Variants in GLRA1 observed in about 807,000 individuals in gnomAD.
GLRA1 encodes the protein glycine receptor subunit alpha-1.
A neutral mutation model predicts 48.3 loss-of-function variants in GLRA1; 37 were observed. The ratio of observed to expected loss-of-function variants is 0.77; its 90% CI spans 0.59 to 1.01. The LOEUF (loss-of-function observed/expected upper bound fraction) is 1.01. GLRA1 is among the 50% of genes least tolerant of loss of function. The pLI is 0.00. For synonymous variants in GLRA1, 196 were observed against 210.7 expected, an observed-to-expected ratio of 0.93 and a Z score of 0.60; for missense variants, 427 against 571.0, an observed-to-expected ratio of 0.75 and a Z score of 2.57.
intron 4 of GLRA1, among the ~76,000 whole-genome samples, chr5:151,857,865 A>G (rs1420637370): frequency 6.6e-6 from 1 of 152,228 alleles, no homozygotes; most frequent in Non-Finnish European, 1.5e-5. Context: ...AGAGCCTTAG[A>G]TCATCAAGGC....
At chr5:151,849,406 C>A (rs186337489) in intron 7 of GLRA1, among the ~76,000 whole-genome samples, 1,017 of 10,508 alleles carry the variant, frequency 0.097, 20 homozygotes, top group African/African-American at 0.24. Flanking sequence ...CTTTCCTTTC[C>A]TTTCCTTTCC....
intron 7 of GLRA1, among the ~76,000 whole-genome samples, chr5:151,838,373 A>G (rs1347047987): frequency 2.0e-5 from 3 of 152,088 alleles, no homozygotes; most frequent in African/African-American, 4.8e-5. Context: ...GGAGGCTAAG[A>G]TTGGAGAATT....
At chr5:151,879,911 A>T (rs1258238097) in intron 3 of GLRA1, among the ~76,000 whole-genome samples, 2 of 152,062 alleles carry the variant, frequency 1.3e-5, no homozygotes, top group Non-Finnish European at 2.9e-5. Flanking sequence ...CTGGTGGGAG[A>T]TAATTGAATC....
chr5:151,834,992 C>T (rs1266269526), intron 7 of GLRA1, among the ~76,000 whole-genome samples: 2 of 133,056 alleles, frequency 1.5e-5, no homozygotes, highest in African/African-American at 5.8e-5. Flanking sequence ...TGCGCCACTG[C>T]ACTCCAGCCT....
intron 7 of GLRA1, among the ~76,000 whole-genome samples, chr5:151,839,235 A>G (rs1464999041): frequency 1.3e-5 from 2 of 152,250 alleles, no homozygotes; most frequent in Non-Finnish European, 2.9e-5. Context: ...CCTACAAGAA[A>G]TACTAAAGGA....
At position 151,868,452 on chromosome 5, in the gene GLRA1, G is replaced by T. The variant is rs148116923; in HGVS notation, c.253-8444C>A. On this transcript the variant is annotated intron_variant, in intron 3 of 8. Coordinates refer to ENST00000274576, the MANE Select transcript of GLRA1 (RefSeq NM_000171.4). ...TAGGTTTTATTGTTATTCTCATTTT[G>T]CAGGGAAATCAAGGTACAGAGAGGT... is the stretch of plus-strand genomic sequence containing the variant. Among the ~76,000 whole-genome samples the T allele has an allele frequency of 4.4e-3, 675 of 152,258 alleles. 6 individuals carry two copies. Among genetic ancestry groups the T allele is most frequent in the African/African-American group, 0.015 (623 of 41,538 alleles).
At chr5:151,854,232 G>A (rs1015085294) in intron 6 of GLRA1, among the ~76,000 whole-genome samples, 4 of 152,318 alleles carry the variant, frequency 2.6e-5, no homozygotes, top group East Asian at 1.9e-4. Flanking sequence ...GACTCAGAAA[G>A]AGGCAGCTAC....
chr5:151,829,213 T>G (rs1317165106), intron 7 of GLRA1, 146 bp from the exon 8 acceptor site: 6 of 727,892 alleles, frequency 8.2e-6, no homozygotes, highest in Non-Finnish European at 1.4e-5. Flanking sequence ...GGTGGAGGTA[T>G]AGAGGAAAAC....
intron 7 of GLRA1, chr5:151,850,425 G>A: frequency 8.4e-7 from 1 of 1,186,932 alleles, no homozygotes; most frequent in South Asian, 1.2e-5. Flanking sequence ...GAAGTGTTCA[G>A]GCTGCCATAC....
intron 3 of GLRA1, among the ~76,000 whole-genome samples, chr5:151,865,829 G>A (rs1051284644): frequency 1.4e-4 from 21 of 152,132 alleles, no homozygotes; most frequent in Admixed American, 9.2e-4. Context: ...TACTGGCAGC[G>A]CCTGCCCTAG....
At chr5:151,868,159 ACT>A (rs1200571485) in intron 3 of GLRA1, among the ~76,000 whole-genome samples, 1 of 152,152 alleles carries the variant, frequency 6.6e-6, no homozygotes, top group African/African-American at 2.4e-5. Context: ...TTCTGTCTCA[ACT>A]CTCTCATTTT....
Position 151,822,598 on chromosome 5 carries a change from TCTTC to T in GLRA1, c.*71_*74del. The T allele has an allele frequency of 1.9e-6, 2 of 1,044,616 alleles. No individual in the cohort carries two copies. The allele number at this position is 1,044,616 out of a possible 1,614,324, so 64.7% of individuals were successfully genotyped here. A position where few individuals can be genotyped will look rare whatever the true frequency, so the allele number is the denominator to read the frequency against. On this transcript the variant is annotated 3_prime_UTR_variant, in exon 9 of 9. Coordinates refer to ENST00000274576, the MANE Select transcript of GLRA1 (RefSeq NM_000171.4). ...GTGCCCCCTCCCTCCGTTCCCCTTC[TCTTC>T]CTTAGTCTCTCAGATTCCTGTGCTA...
At chr5:151,826,074 C>T (rs1349195796) in intron 8 of GLRA1, among the ~76,000 whole-genome samples, 2 of 152,130 alleles carry the variant, frequency 1.3e-5, no homozygotes, top group African/African-American at 2.4e-5. Context: ...AGGAGGCAGG[C>T]AGGAGAAATG....
At chr5:151,868,140 C>A (rs1449503025) in intron 3 of GLRA1, among the ~76,000 whole-genome samples, 4 of 152,060 alleles carry the variant, frequency 2.6e-5, no homozygotes, top group Non-Finnish European at 5.9e-5. Context: ...TAGAAAGAAC[C>A]CTGGAGACTT....
At chr5:151,895,865 A>G (rs1754215765) in intron 1 of GLRA1, among the ~76,000 whole-genome samples, 1 of 152,072 alleles carries the variant, frequency 6.6e-6, no homozygotes, top group Non-Finnish European at 1.5e-5. Context: ...CTAGTGATTT[A>G]TGACTTTTCT....
chr5:151,879,362 C>T (rs982757078), intron 3 of GLRA1, among the ~76,000 whole-genome samples: 18 of 145,740 alleles, frequency 1.2e-4, no homozygotes, highest in African/African-American at 3.6e-4. Context: ...TATTTATTTA[C>T]GTATTTTTTT....
intron 1 of GLRA1, among the ~76,000 whole-genome samples, chr5:151,915,024 C>T (rs79736585): frequency 0.039 from 5,939 of 152,226 alleles, 164 homozygotes; most frequent in Non-Finnish European, 0.059. Context: ...AATTTTCAAT[C>T]CTAGCTCTGC....
At chr5:151,823,544 G>T (rs1763195839) in intron 8 of GLRA1, among the ~76,000 whole-genome samples, 1 of 152,180 alleles carries the variant, frequency 6.6e-6, no homozygotes, top group Non-Finnish European at 1.5e-5. Flanking sequence ...GATGGAGCAG[G>T]AGCTCTGGGC....
chr5:151,894,566 C>T (rs1276631820), intron 1 of GLRA1, among the ~76,000 whole-genome samples: 2 of 152,160 alleles, frequency 1.3e-5, no homozygotes, highest in African/African-American at 2.4e-5. Flanking sequence ...CCCCCATAAA[C>T]TCACTCACCA....
Sources: allele counts gnomAD v4.1 joint callset (sites outside exome capture counted in the v4.1 genomes callset), GRCh38; gene constraint gnomAD v4.1.1; transcripts MANE v1.5; gene names NCBI Gene and HGNC (gene_info 2026-07-23, HGNC 2026-07-21).